The following PCDHGA7 variants were observed in gnomAD, a reference collection of about 807,000 sequenced individuals.
The protein encoded by PCDHGA7 is protocadherin gamma-A7.
Under a neutral mutation model 58.3 loss-of-function variants are expected in PCDHGA7, and 44 were observed. That is an observed-to-expected ratio of 0.75 (90% CI 0.59 to 0.97). The LOEUF (loss-of-function observed/expected upper bound fraction) is 0.97. Among genes scored for constraint, PCDHGA7 ranks in the 50% least tolerant of loss-of-function variants. The pLI, the probability that PCDHGA7 is intolerant of heterozygous loss-of-function variation, is 0.00. For synonymous variants in PCDHGA7, 516 were observed against 504.2 expected, an observed-to-expected ratio of 1.02 and a Z score of -0.31; for missense variants, 1,266 against 1,188.7, an observed-to-expected ratio of 1.06 and a Z score of -0.96.
chr5:141,485,663 A>G lies in PCDHGA7; in HGVS notation c.2425-9144A>G, dbSNP rs1594506698. ...AAAGGCTCAGGATGCAGATGTGGGG[A>G]GCAATTCGATTAGCAGCTATAGGCT... On this transcript the variant is annotated intron_variant, in intron 1 of 3. Transcript: ENST00000518325. The surrounding 1 kb of genome is among the most constrained non-coding windows in gnomAD (Gnocchi z 5.7). The G allele has an allele frequency of 1.2e-6, 2 of 1,612,638 alleles. No homozygotes were observed. Among genetic ancestry groups the G allele is most frequent in the East Asian group, 4.5e-5 (2 of 44,840 alleles).
chr5:141,500,104 T>G (rs917633032), intron 2 of PCDHGA7, among the ~76,000 whole-genome samples: 4 of 152,124 alleles, frequency 2.6e-5, no homozygotes, highest in Non-Finnish European at 4.4e-5. Flanking sequence ...AATTTATTTG[T>G]TGAATCCCTG....
At chr5:141,474,997 A>C (rs2154572220) in intron 1 of PCDHGA7, among the ~76,000 whole-genome samples, 1 of 152,376 alleles carries the variant, frequency 6.6e-6, no homozygotes, top group African/African-American at 2.4e-5. Flanking sequence ...ACAATTCTAA[A>C]TGCAGAAAAG....
chr5:141,441,364 CGT>C (rs1283671958), intron 1 of PCDHGA7: 1 of 152,528 alleles, frequency 6.6e-6, no homozygotes, highest in African/African-American at 2.4e-5. Context: ...CAAATGGGGC[CGT>C]GGACCAGGAA....
chr5:141,456,633 C>CT (rs1229637837), intron 1 of PCDHGA7, among the ~76,000 whole-genome samples: 1 of 152,182 alleles, frequency 6.6e-6, no homozygotes, highest in Non-Finnish European at 1.5e-5. Context: ...CTCTTCTTTA[C>CT]TACAGGTGTT....
chr5:141,399,043 G>T lies in PCDHGA7; in HGVS notation c.2424+13720G>T, dbSNP rs545668357. The T allele has an allele frequency of 3.0e-5, 48 of 1,613,890 alleles. No homozygotes were observed. The South Asian group carries it at 4.9e-4, about 17-fold the overall frequency. ...TACCACTCAAAAGAAACTGGATTTTGAAGAGACCAAGGAATATTCAATGGT... is the reference window on the plus strand; with the variant it reads ...TACCACTCAAAAGAAACTGGATTTTTAAGAGACCAAGGAATATTCAATGGT... On this transcript the variant is annotated intron_variant, in intron 1 of 3. Transcript: ENST00000518325.
intron 1 of PCDHGA7, among the ~76,000 whole-genome samples, chr5:141,484,021 G>A (rs892390865): frequency 2.6e-5 from 4 of 151,080 alleles, no homozygotes; most frequent in African/African-American, 9.7e-5. Context: ...GGGGTGGGGT[G>A]AGATCAAGTC....
intron 1 of PCDHGA7, chr5:141,421,455 C>G (rs762490406): frequency 6.2e-6 from 10 of 1,614,108 alleles, no homozygotes; most frequent in South Asian, 1.1e-5. Flanking sequence ...CACAGCTTTT[C>G]GCTGTGAATC....
At chr5:141,409,088 GAGAAAAC>G in intron 1 of PCDHGA7, 1 of 1,614,044 alleles carries the variant, frequency 6.2e-7, no homozygotes, top group Non-Finnish European at 8.5e-7. Context: ...CTCATTGGAT[GAGAAAAC>G]AGGTATGATT....
At chr5:141,478,497 C>T in intron 1 of PCDHGA7, 1 of 1,612,820 alleles carries the variant, frequency 6.2e-7, no homozygotes, top group Non-Finnish European at 8.5e-7. Context: ...AGCTGTGATC[C>T]GGTGTTCTAT....
At position 141,477,855 on chromosome 5, in the gene PCDHGA7, T is replaced by C; in HGVS notation, c.2425-16952T>C. The C allele has an allele frequency of 1.2e-6, 2 of 1,613,698 alleles. No individual in the cohort carries two copies. The highest frequency in any genetic ancestry group is 1.7e-6 in the Non-Finnish European group (2 of 1,179,882). On this transcript the variant is annotated intron_variant, in intron 1 of 3. Coordinates refer to ENST00000518325, the MANE Select transcript of PCDHGA7 (RefSeq NM_018920.4). The surrounding 1 kb of genome is among the most constrained non-coding windows in gnomAD (Gnocchi z 4.9). ...CCAGGTGGGAGCTCGGTGGAGATGC[T>C]GCCTCGAGGTACCTCAGCTGGCCAC...
In PCDHGA7 at chr5:141,409,582, C is replaced by A. The variant is rs2095287974; in HGVS notation, c.2424+24259C>A. On this transcript the variant is annotated intron_variant, in intron 1 of 3. Coordinates refer to ENST00000518325, the MANE Select transcript of PCDHGA7 (RefSeq NM_018920.4). ...TCGACCAGACGTCCTACGTGGTCCA[C>A]GTGGCCGAGAACAACCCGCCAGGAG... 2.5e-6 allele frequency: 4 copies of A among 1,613,914 alleles called. No homozygotes were observed. The Middle Eastern group carries it at 4.9e-4, about 200-fold the overall frequency.
chr5:141,488,428 C>A (rs1234461104), intron 1 of PCDHGA7, among the ~76,000 whole-genome samples: 1 of 152,186 alleles, frequency 6.6e-6, no homozygotes, highest in Non-Finnish European at 1.5e-5. Context: ...CATGCTTGGC[C>A]TCTGACCACC....
chr5:141,497,060 G>A (rs1244885752), intron 2 of PCDHGA7, among the ~76,000 whole-genome samples: 1 of 151,952 alleles, frequency 6.6e-6, no homozygotes, highest in African/African-American at 2.4e-5. Context: ...GTGGTGGCAG[G>A]CACCTGTAAT....
intron 1 of PCDHGA7, chr5:141,430,923 A>C (rs2097325574): frequency 6.2e-7 from 1 of 1,607,168 alleles, no homozygotes; most frequent in African/African-American, 1.3e-5. Context: ...CTGGGGCTGG[A>C]GCCCCGGGAG....
chr5:141,409,541 G>A (rs1485327824), intron 1 of PCDHGA7: 5 of 1,613,852 alleles, frequency 3.1e-6, no homozygotes, highest in South Asian at 1.1e-5. Flanking sequence ...TGACATCAAC[G>A]ACAACGCCCC....
Position 141,385,207 on chromosome 5 carries a change from T to G in PCDHGA7, c.2308T>G (p.Phe770Val). ...TADSRKSHLIFPQPNYVDMLI... is the reference protein window; with the variant it reads ...TADSRKSHLIVPQPNYVDMLI... ...GGACTCTCGGAAGAGTCACCTGATC[T>G]TCCCCCAGCCCAACTATGTAGACAT... is the stretch of plus-strand genomic sequence containing the variant. Residue 770 changes from phenylalanine to valine, a missense_variant, in exon 1 of 4, where the codon TTC (phenylalanine) becomes GTC (valine). Transcript: ENST00000518325. The G allele has an allele frequency of 6.2e-7, 1 of 1,614,226 alleles. No individual in the cohort carries two copies. Among genetic ancestry groups the G allele is most frequent in the Non-Finnish European group, 8.5e-7 (1 of 1,180,046 alleles).
At chr5:141,420,237 C>A in intron 1 of PCDHGA7, 1 of 1,595,672 alleles carries the variant, frequency 6.3e-7, no homozygotes, top group Non-Finnish European at 8.6e-7. Context: ...AGCATTTTAA[C>A]TCCCAGCGTT....
At chr5:141,406,244 G>C (rs1214749681) in intron 1 of PCDHGA7, among the ~76,000 whole-genome samples, 1 of 151,936 alleles carries the variant, frequency 6.6e-6, no homozygotes, top group Non-Finnish European at 1.5e-5. Context: ...ATGTTGCCCA[G>C]ACTGGTCTCA....
At chr5:141,414,773 A>G in intron 1 of PCDHGA7, 1 of 1,614,204 alleles carries the variant, frequency 6.2e-7, no homozygotes, top group Non-Finnish European at 8.5e-7. Flanking sequence ...CATGAGCTAC[A>G]GATGCAGGTG....
Sources: allele counts gnomAD v4.1 joint callset (sites outside exome capture counted in the v4.1 genomes callset), GRCh38; gene constraint gnomAD v4.1.1; non-coding constraint Gnocchi (gnomAD v3.1); transcripts MANE v1.5; gene names NCBI Gene and HGNC (gene_info 2026-07-23, HGNC 2026-07-21).